ADGRL3: variants seen among roughly 807,000 people sequenced by gnomAD.
The protein encoded by ADGRL3 is calcium-independent alpha-latrotoxin receptor 3.
ADGRL3 carries 62 observed loss-of-function variants against 153.5 expected under a neutral mutation model. That is an observed-to-expected ratio of 0.40 (90% CI 0.33 to 0.50). The LOEUF (loss-of-function observed/expected upper bound fraction) is 0.50, where lower values mean the gene tolerates loss of function less well. Among genes scored for constraint, ADGRL3 ranks in the 20% least tolerant of loss-of-function variants. ADGRL3 has a pLI of 0.47. For missense variants in ADGRL3, 1,641 were observed against 1,859.4 expected, an observed-to-expected ratio of 0.88 and a Z score of 2.16; for synonymous variants, 710 against 672.5, an observed-to-expected ratio of 1.06 and a Z score of -0.86.
intron 9 of ADGRL3, among the ~76,000 whole-genome samples, chr4:61,855,141 T>C (rs116170449): frequency 6.6e-6 from 1 of 152,208 alleles, no homozygotes; most frequent in Non-Finnish European, 1.5e-5. Context: ...TAGTTAATGA[T>C]AACTTACGAG....
chr4:62,065,747 C>T (rs906349938), intron 25 of ADGRL3, among the ~76,000 whole-genome samples: 2 of 151,874 alleles, frequency 1.3e-5, no homozygotes, highest in African/African-American at 4.8e-5. Flanking sequence ...TTTCCTAATT[C>T]AATATCTGCC....
intron 2 of ADGRL3, among the ~76,000 whole-genome samples, chr4:61,385,947 T>C (rs552606998): frequency 6.6e-6 from 1 of 152,204 alleles, no homozygotes; most frequent in South Asian, 2.1e-4. Flanking sequence ...CACTTACTGC[T>C]CCACAACTGG....
intron 5 of ADGRL3, among the ~76,000 whole-genome samples, chr4:61,674,477 A>C (rs2095119656): frequency 6.6e-6 from 1 of 151,748 alleles, no homozygotes; most frequent in Non-Finnish European, 1.5e-5. Context: ...GTAATTAAAA[A>C]GGTTAATAAT....
intron 4 of ADGRL3, among the ~76,000 whole-genome samples, chr4:61,524,421 G>A (rs998359012): frequency 6.6e-5 from 10 of 151,926 alleles, no homozygotes; most frequent in Non-Finnish European, 1.3e-4. Flanking sequence ...TTAAATTGAT[G>A]ATTTTTTTTC....
At chr4:61,774,548 G>T (rs371289458) in intron 8 of ADGRL3, among the ~76,000 whole-genome samples, 1 of 151,964 alleles carries the variant, frequency 6.6e-6, no homozygotes, top group East Asian at 1.9e-4. Flanking sequence ...ATGTGTGTAG[G>T]TTATATGCAA....
chr4:61,466,398 A>G (rs1422183611), intron 2 of ADGRL3, among the ~76,000 whole-genome samples: 3 of 152,190 alleles, frequency 2.0e-5, no homozygotes, highest in Non-Finnish European at 4.4e-5. Context: ...ATTTTGTATT[A>G]TTAGTATTTA....
intron 4 of ADGRL3, among the ~76,000 whole-genome samples, chr4:61,541,854 C>CACAT: frequency 6.6e-6 from 1 of 151,748 alleles, no homozygotes; most frequent in East Asian, 1.9e-4. Context: ...CACACACACA[C>CACAT]ACACACACAC....
intron 11 of ADGRL3, among the ~76,000 whole-genome samples, chr4:61,898,663 G>C (rs1205346601): frequency 6.6e-6 from 1 of 150,930 alleles, no homozygotes; most frequent in Non-Finnish European, 1.5e-5. Context: ...CTGTCACCCA[G>C]GCTGGAGTGC....
At chr4:61,697,575 A>T (rs2095665503) in intron 6 of ADGRL3, among the ~76,000 whole-genome samples, 1 of 152,058 alleles carries the variant, frequency 6.6e-6, no homozygotes, top group South Asian at 2.1e-4. Context: ...AAAAGAAAGA[A>T]ATATTATCCA....
chr4:61,326,601 G>A (rs1167778890), intron 1 of ADGRL3, among the ~76,000 whole-genome samples: 1 of 109,000 alleles, frequency 9.2e-6, no homozygotes, highest in Admixed American at 9.0e-5. Context: ...GCCAGATAAT[G>A]TGTGTGTGTG....
intron 18 of ADGRL3, among the ~76,000 whole-genome samples, chr4:61,980,606 A>G (rs1017713680): frequency 3.3e-5 from 5 of 151,604 alleles, no homozygotes; most frequent in Admixed American, 6.6e-5. Context: ...AGCCCAGCTA[A>G]TTTTTTGTAT....
At chr4:61,714,389 C>G (rs902714573) in intron 6 of ADGRL3, among the ~76,000 whole-genome samples, 1 of 152,172 alleles carries the variant, frequency 6.6e-6, no homozygotes, top group Non-Finnish European at 1.5e-5. Context: ...CACACACACA[C>G]ACACATATTT....
chr4:62,001,878 A>C (rs2099141717), intron 21 of ADGRL3, among the ~76,000 whole-genome samples: 1 of 152,162 alleles, frequency 6.6e-6, no homozygotes, highest in Non-Finnish European at 1.5e-5. Flanking sequence ...ATTCATTAAG[A>C]ATAAAAAATC....
At chr4:62,006,669 G>C (rs1172481303) in intron 21 of ADGRL3, among the ~76,000 whole-genome samples, 1 of 147,972 alleles carries the variant, frequency 6.8e-6, no homozygotes, top group Non-Finnish European at 1.5e-5. Context: ...TTCTATAATA[G>C]CAAATTATCC....
intron 25 of ADGRL3, among the ~76,000 whole-genome samples, chr4:62,063,205 A>G (rs1309651917): frequency 1.3e-5 from 2 of 151,646 alleles, no homozygotes; most frequent in African/African-American, 4.8e-5. Flanking sequence ...TTTCACTTTA[A>G]TTTTAATTTT....
chr4:61,757,233 G>A (rs2096845779), intron 8 of ADGRL3, among the ~76,000 whole-genome samples: 1 of 152,104 alleles, frequency 6.6e-6, no homozygotes, highest in Admixed American at 6.5e-5. Flanking sequence ...GAATTCGGCT[G>A]TGAATCCATC....
intron 17 of ADGRL3, among the ~76,000 whole-genome samples, chr4:61,977,181 T>A (rs1365655786): frequency 6.6e-6 from 1 of 151,832 alleles, no homozygotes; most frequent in Non-Finnish European, 1.5e-5. Flanking sequence ...CAGATAAAAG[T>A]GGGAGTTCTT....
At chr4:61,601,180 T>G (rs2099010111) in intron 5 of ADGRL3, among the ~76,000 whole-genome samples, 1 of 152,180 alleles carries the variant, frequency 6.6e-6, no homozygotes, top group Non-Finnish European at 1.5e-5. Flanking sequence ...GATTAACAAG[T>G]TTTCAATTTA....
intron 8 of ADGRL3, among the ~76,000 whole-genome samples, chr4:61,746,756 G>T (rs971265831): frequency 5.3e-4 from 81 of 152,252 alleles, no homozygotes; most frequent in African/African-American, 1.8e-3. Context: ...GAGAAAGCAG[G>T]AAAGATCCAA....
Sources: allele counts gnomAD v4.1 joint callset (sites outside exome capture counted in the v4.1 genomes callset), GRCh38; gene constraint gnomAD v4.1.1; transcripts MANE v1.5; gene names NCBI Gene and HGNC (gene_info 2026-07-23, HGNC 2026-07-21).